BBX: variants seen among roughly 807,000 people sequenced by gnomAD.
BBX encodes the protein HMG box transcription factor BBX.
In BBX, 30 loss-of-function variants were observed where a neutral mutation model predicts 100.2. The ratio of observed to expected loss-of-function variants is 0.30; its 90% CI spans 0.22 to 0.41. BBX has a LOEUF of 0.41. Among genes scored for constraint, BBX ranks in the 10% least tolerant of loss-of-function variants. The probability of loss-of-function intolerance (pLI) is 1.00; values close to 1 mark genes in which losing one functional copy is unlikely to be tolerated. For synonymous variants in BBX, 376 were observed against 388.1 expected (o/e 0.97, Z 0.37); for missense variants, 1,023 against 1,129.8 (o/e 0.91, Z 1.35).
chr3:107,567,279 A>G (rs1005109148), intron 2 of BBX, among the ~76,000 whole-genome samples: 1 of 151,948 alleles, frequency 6.6e-6, no homozygotes, highest in Non-Finnish European at 1.5e-5. Context: ...GTTGATTAGA[A>G]TTTGTTATTC....
chr3:107,629,524 T>A (rs1156830066), intron 2 of BBX, among the ~76,000 whole-genome samples: 1 of 152,166 alleles, frequency 6.6e-6, no homozygotes, highest in African/African-American at 2.4e-5. Flanking sequence ...TCATCTCCCC[T>A]GCTCATTGGT....
At chr3:107,622,235 C>G (rs1482115278) in intron 2 of BBX, among the ~76,000 whole-genome samples, 1 of 152,164 alleles carries the variant, frequency 6.6e-6, no homozygotes, top group South Asian at 2.1e-4. Context: ...CAACATAATG[C>G]TTGAGGTTCA....
chr3:107,724,081 T>A (rs1239364970), intron 5 of BBX, among the ~76,000 whole-genome samples: 1 of 152,212 alleles, frequency 6.6e-6, no homozygotes, highest in Admixed American at 6.5e-5. Context: ...TGTTGTTTCC[T>A]GACTTTTTAA....
chr3:107,772,472 T>A (rs2107784712), intron 10 of BBX, among the ~76,000 whole-genome samples, 156 bp from the exon 11 acceptor site: 1 of 152,362 alleles, frequency 6.6e-6, no homozygotes, highest in East Asian at 1.9e-4. Flanking sequence ...TCAATTTGAT[T>A]CATTTCAGTT....
intron 2 of BBX, among the ~76,000 whole-genome samples, chr3:107,541,845 G>A (rs1036854950): frequency 2.0e-5 from 3 of 150,918 alleles, no homozygotes; most frequent in Non-Finnish European, 2.9e-5. Flanking sequence ...AAGAGATGGA[G>A]TCTGGCTCTG....
At chr3:107,757,658 A>G (rs2065589576) in intron 10 of BBX, among the ~76,000 whole-genome samples, 1 of 152,208 alleles carries the variant, frequency 6.6e-6, no homozygotes, top group Non-Finnish European at 1.5e-5. Flanking sequence ...AAACTTAAGT[A>G]TATGCACAAT....
At chr3:107,690,891 C>CG (rs1305340083) in intron 3 of BBX, among the ~76,000 whole-genome samples, 1 of 72,314 alleles carries the variant, frequency 1.4e-5, no homozygotes, top group South Asian at 8.4e-4. Flanking sequence ...TGCCCCCCCC[C>CG]CTTTTTTTTT....
Position 107,665,815 on chromosome 3 carries a change from T to C in BBX, c.-10+19906T>C, listed in dbSNP as rs183110214. Among the ~76,000 whole-genome samples the C allele has an allele frequency of 1.6e-3, 243 of 152,300 alleles. 1 individual carries two copies. The highest frequency in any genetic ancestry group is 5.7e-3 in the African/African-American group (237 of 41,566). Reference sequence around the variant, plus strand: ...CCCATGTCTTTTCTCACACTCTAGTTACCATCTTTGAGTCAGTATTGATTC... The same window carrying C: ...CCCATGTCTTTTCTCACACTCTAGTCACCATCTTTGAGTCAGTATTGATTC... On this transcript the variant is annotated intron_variant, in intron 3 of 17. Coordinates refer to ENST00000325805, the MANE Select transcript of BBX (RefSeq NM_001142568.3).
intron 2 of BBX, among the ~76,000 whole-genome samples, chr3:107,553,834 T>C (rs2049882153): frequency 6.6e-6 from 1 of 152,238 alleles, no homozygotes; most frequent in Non-Finnish European, 1.5e-5. Flanking sequence ...TTTAATTTAT[T>C]CTATCTAGTG....
chr3:107,642,801 G>GT (rs67152509), intron 2 of BBX, among the ~76,000 whole-genome samples: 17,736 of 151,050 alleles, frequency 0.12, 1,364 homozygotes, highest in Middle Eastern at 0.19. Flanking sequence ...ATGCCCAGCA[G>GT]TTTTTTTTTC....
intron 2 of BBX, among the ~76,000 whole-genome samples, chr3:107,546,005 G>A (rs1319870001): frequency 6.6e-6 from 1 of 152,180 alleles, no homozygotes; most frequent in African/African-American, 2.4e-5. Context: ...GCTCAAAGGT[G>A]CTAATTGTTT....
At chr3:107,749,859 C>A (rs934346339) in intron 9 of BBX, among the ~76,000 whole-genome samples, 2 of 152,126 alleles carry the variant, frequency 1.3e-5, no homozygotes, top group African/African-American at 4.8e-5. Context: ...GTCACGAACT[C>A]CTGACCTCAG....
chr3:107,749,138 A>T (rs1397893160), intron 9 of BBX, among the ~76,000 whole-genome samples: 4 of 152,236 alleles, frequency 2.6e-5, no homozygotes, highest in Non-Finnish European at 5.9e-5. Context: ...AAAATTGGTA[A>T]CAAAAATATA....
At chr3:107,629,506 A>AT (rs757808108) in intron 2 of BBX, among the ~76,000 whole-genome samples, 7 of 152,142 alleles carry the variant, frequency 4.6e-5, no homozygotes, top group Non-Finnish European at 8.8e-5. Flanking sequence ...CAGAGGATAT[A>AT]TTCCCCCTCA....
At chr3:107,656,578 T>G (rs994994178) in intron 3 of BBX, among the ~76,000 whole-genome samples, 2 of 152,212 alleles carry the variant, frequency 1.3e-5, no homozygotes, top group African/African-American at 2.4e-5. Flanking sequence ...CCAGACTGCT[T>G]GTGAGAGTTT....
rs528012674 is a variant in BBX, at chr3:107,567,652, G to A, written c.-84+41254G>A. On this transcript the variant is annotated intron_variant, in intron 2 of 17. Transcript: ENST00000325805. The stretch of plus-strand genomic sequence containing the variant: ...ATTTTGTTTTAGGTGTATCTTTTAC[G>A]GATATGGACATAGCTGGGTTTTACT... Among the ~76,000 whole-genome samples the A allele has an allele frequency of 1.6e-4, 25 of 152,052 alleles. 1 individual carries two copies. In the South Asian group the frequency reaches 4.8e-3, roughly 29 times the overall value.
intron 17 of BBX, among the ~76,000 whole-genome samples, chr3:107,804,449 C>T (rs1315887388): frequency 6.6e-6 from 1 of 152,100 alleles, no homozygotes; most frequent in Non-Finnish European, 1.5e-5. Flanking sequence ...GATTGGTAGG[C>T]CTGTTGGAAA....
At chr3:107,657,387 A>G (rs535563030) in intron 3 of BBX, among the ~76,000 whole-genome samples, 58 of 152,278 alleles carry the variant, frequency 3.8e-4, no homozygotes, top group African/African-American at 1.3e-3. Context: ...CTTGATTCCT[A>G]CTACTATTTA....
chr3:107,569,323 A>G (rs1357947397), intron 2 of BBX, among the ~76,000 whole-genome samples: 2 of 152,192 alleles, frequency 1.3e-5, no homozygotes, highest in Non-Finnish European at 2.9e-5. Context: ...ACAGTATTTT[A>G]TGGAGGTGTG....
Sources: allele counts gnomAD v4.1 joint callset (sites outside exome capture counted in the v4.1 genomes callset), GRCh38; gene constraint gnomAD v4.1.1; transcripts MANE v1.5; gene names NCBI Gene and HGNC (gene_info 2026-07-23, HGNC 2026-07-21).